The following HHAT variants were observed in gnomAD, a reference collection of about 807,000 sequenced individuals.
HHAT encodes the protein protein-cysteine N-palmitoyltransferase HHAT.
Under a neutral mutation model 70.8 loss-of-function variants are expected in HHAT, and 47 were observed. The ratio of observed to expected loss-of-function variants is 0.66; its 90% CI spans 0.53 to 0.85. The LOEUF (loss-of-function observed/expected upper bound fraction) is 0.85. HHAT is among the 40% of genes least tolerant of loss of function. The probability of loss-of-function intolerance (pLI) is 0.00; values close to 1 mark genes in which losing one functional copy is unlikely to be tolerated. For synonymous variants in HHAT, 228 were observed against 247.6 expected (o/e 0.92, Z 0.74); for missense variants, 609 against 604.8 (o/e 1.01, Z -0.07).
intron 7 of HHAT, chr1:210,462,633 G>A (rs373907230): frequency 1.3e-5 from 2 of 152,204 alleles, no homozygotes; most frequent in African/African-American, 4.8e-5. Context: ...ATTTCCAAAA[G>A]TCTGAAGAAC....
chr1:210,468,331 G>T (rs1041202379), intron 8 of HHAT, among the ~76,000 whole-genome samples: 10 of 152,164 alleles, frequency 6.6e-5, no homozygotes, highest in African/African-American at 2.2e-4. Context: ...TTGATTTCTA[G>T]CTATGGAAGC....
At chr1:210,413,063 C>T (rs1398418676) in intron 6 of HHAT, among the ~76,000 whole-genome samples, 1 of 152,210 alleles carries the variant, frequency 6.6e-6, no homozygotes, top group Non-Finnish European at 1.5e-5. Context: ...TCCCCCAGGC[C>T]TTTGCACTCT....
At chr1:210,420,667 TAAAA>T (rs749490886) in intron 7 of HHAT, among the ~76,000 whole-genome samples, 1 of 134,734 alleles carries the variant, frequency 7.4e-6, no homozygotes, top group Admixed American at 7.3e-5. Context: ...TAATAAAATT[TAAAA>T]AAACAAAAAA....
rs151219130 is a variant in HHAT, at chr1:210,400,527, C to T, written c.333C>T (p.Thr111=). 6.2e-6 allele frequency: 10 copies of T among 1,613,964 alleles called. No individual in the cohort carries two copies. Among genetic ancestry groups the T allele is most frequent in the Middle Eastern group, 1.7e-4 (1 of 6,060 alleles). Residue 111 remains threonine, a synonymous_variant, in exon 5 of 12, where the codon ACC becomes ACT. Coordinates refer to ENST00000261458, the MANE Select transcript of HHAT (RefSeq NM_018194.6). ...GGGCCTGCTGGTGTGTGCTGGGGACCCCTGGTGTGGCTATGGTTTTGCTCC... is the reference window on the plus strand; with the variant it reads ...GGGCCTGCTGGTGTGTGCTGGGGACTCCTGGTGTGGCTATGGTTTTGCTCC... ...GMWACWCVLG[T]PGVAMVLLHT...
chr1:210,658,277 A>G (rs1174850801), intron 11 of HHAT, among the ~76,000 whole-genome samples: 1 of 152,062 alleles, frequency 6.6e-6, no homozygotes, highest in Non-Finnish European at 1.5e-5. Context: ...TTTTCCTCCC[A>G]GCATCTACTC....
rs2095334629 is a variant in HHAT at position 210,533,325 on chromosome 1, GACT to G, written c.1043+20138_1043+20140del. 2.0e-5 allele frequency among the ~76,000 whole-genome samples: 2 copies of G among 102,438 alleles called. 1 individual carries two copies. Among genetic ancestry groups the G allele is most frequent in the Admixed American group, 2.3e-4 (2 of 8,684 alleles). 67.2% of individuals were successfully genotyped at this position (102,438 alleles called of 152,430 possible). A position where few individuals can be genotyped will look rare whatever the true frequency, so the allele number is the denominator to read the frequency against. ...TGCTTCAGAAGACAGCATCTTTGGG[GACT>G]GTCAACTCCAAGGGAAATGGGGCTC... On this transcript the variant is annotated intron_variant, in intron 9 of 11. Coordinates refer to ENST00000261458, the MANE Select transcript of HHAT (RefSeq NM_018194.6).
rs1184828177 is a variant in HHAT at position 210,464,527 on chromosome 1, G to A, written c.879G>A (p.Val293=). 2 of 1,614,042 alleles carry A rather than the reference G, an allele frequency of 1.2e-6. No individual in the cohort carries two copies. Among genetic ancestry groups the A allele is most frequent in the African/African-American group, 1.3e-5 (1 of 74,912 alleles). The change falls in exon 8 of 12, where the codon GTG becomes GTA. Residue 293 remains valine, a synonymous_variant. Transcript: ENST00000261458. ...CAGGAGGACTGGCGTTAGCCCAGGT[G>A]CTCTTTTTCTACGTGAAGTACTTGG... ...WTLGGLALAQ[V]LFFYVKYLVL... is the part of the protein sequence containing the mutation.
chr1:210,462,995 C>T (rs1482632141), intron 7 of HHAT: 1 of 152,226 alleles, frequency 6.6e-6, no homozygotes, highest in South Asian at 2.1e-4. Flanking sequence ...GGCGGGCAAT[C>T]TTGAGGTGAG....
chr1:210,546,668 C>G (rs191561355), intron 9 of HHAT, among the ~76,000 whole-genome samples: 205 of 152,196 alleles, frequency 1.3e-3, no homozygotes, highest in African/African-American at 4.8e-3. Flanking sequence ...AAATGATAAC[C>G]CAGCACTTGT....
chr1:210,540,465 ACACACGCACACACATG>A (rs2095417100), intron 9 of HHAT, among the ~76,000 whole-genome samples: 1 of 135,074 alleles, frequency 7.4e-6, no homozygotes, highest in Non-Finnish European at 1.7e-5. Context: ...ACACACACAC[ACACACGCACACACATG>A]CACACACACG....
intron 11 of HHAT, among the ~76,000 whole-genome samples, chr1:210,637,858 C>CA (rs33961605): frequency 0.28 from 32,379 of 116,282 alleles, 4,013 homozygotes; most frequent in South Asian, 0.42. Flanking sequence ...GACTCCGTCT[C>CA]AAAAAAAAAA....
intron 10 of HHAT, among the ~76,000 whole-genome samples, chr1:210,610,577 T>C (rs1298845468): frequency 6.6e-6 from 1 of 152,230 alleles, no homozygotes; most frequent in Non-Finnish European, 1.5e-5. Flanking sequence ...GATTTTGTCA[T>C]GAAATCTTTG....
intron 2 of HHAT, among the ~76,000 whole-genome samples, chr1:210,360,610 G>A (rs1011921279): frequency 3.9e-5 from 6 of 152,006 alleles, no homozygotes; most frequent in Admixed American, 1.3e-4. Context: ...GCGCCTGGCC[G>A]AGGACAGATT....
intron 8 of HHAT, among the ~76,000 whole-genome samples, chr1:210,512,759 A>G (rs1029565866): frequency 6.6e-6 from 1 of 151,882 alleles, no homozygotes; most frequent in Non-Finnish European, 1.5e-5. Context: ...CACGAATATT[A>G]CAAACGGACT....
At chr1:210,633,832 G>T (rs1200669270) in intron 11 of HHAT, among the ~76,000 whole-genome samples, 1 of 152,150 alleles carries the variant, frequency 6.6e-6, no homozygotes, top group African/African-American at 2.4e-5. Flanking sequence ...GCGCTTGCTG[G>T]CGCATGTGCC....
intron 8 of HHAT, among the ~76,000 whole-genome samples, chr1:210,475,397 A>G (rs866008621): frequency 6.6e-6 from 1 of 152,144 alleles, no homozygotes; most frequent in South Asian, 2.1e-4. Context: ...GCCTAACTAC[A>G]TTTATTGTGA....
chr1:210,674,212 G>A lies in HHAT; in HGVS notation c.1391-76G>A, dbSNP rs956458834. The A allele has an allele frequency of 3.2e-6, 4 of 1,242,312 alleles. No individual in the cohort carries two copies. The African/African-American group carries it at 4.4e-5, about 14-fold the overall frequency. 77.0% of individuals were successfully genotyped at this position (1,242,312 alleles called of 1,614,324 possible). On this transcript the variant is annotated intron_variant, in intron 11 of 11. Transcript: ENST00000261458. ...TTTGTCAGGTTGCCTTCTCCAAAAG[G>A]GGACAGTTTGCCCATGTGGGATGTC... is the stretch of plus-strand genomic sequence containing the variant.
intron 11 of HHAT, among the ~76,000 whole-genome samples, chr1:210,630,726 A>G (rs991497115): frequency 5.9e-5 from 9 of 152,330 alleles, no homozygotes; most frequent in African/African-American, 1.9e-4. Context: ...CTCGCCAGGC[A>G]GTAGGGTCCA....
At chr1:210,668,104 T>A (rs1679303054) in intron 11 of HHAT, among the ~76,000 whole-genome samples, 1 of 152,214 alleles carries the variant, frequency 6.6e-6, no homozygotes, top group Non-Finnish European at 1.5e-5. Context: ...CTTAATATGA[T>A]GTCTTTAGGG....
Sources: allele counts gnomAD v4.1 joint callset (sites outside exome capture counted in the v4.1 genomes callset), GRCh38; gene constraint gnomAD v4.1.1; transcripts MANE v1.5; gene names NCBI Gene and HGNC (gene_info 2026-07-23, HGNC 2026-07-21).